KCNH7: variants seen among roughly 807,000 people sequenced by gnomAD.
The protein encoded by KCNH7 is voltage-gated inwardly rectifying potassium channel KCNH7.
Under a neutral mutation model 120.8 loss-of-function variants are expected in KCNH7, and 49 were observed. The observed-to-expected ratio is 0.41, with a 90% CI of 0.32 to 0.51. KCNH7 has a LOEUF of 0.51. Ranked by LOEUF, KCNH7 falls within the 20% of genes least tolerant of loss-of-function variation. The pLI is 0.38. For missense variants in KCNH7, 1,097 were observed against 1,446.6 expected (o/e 0.76, Z 3.92); for synonymous variants, 547 against 516.1 (o/e 1.06, Z -0.81).
chr2:162,557,721 A>G (rs1305502530), intron 2 of KCNH7, among the ~76,000 whole-genome samples: 1 of 152,036 alleles, frequency 6.6e-6, no homozygotes, highest in Non-Finnish European at 1.5e-5. Flanking sequence ...GCCACAGGTG[A>G]TATCTCCCCA....
intron 2 of KCNH7, among the ~76,000 whole-genome samples, chr2:162,687,167 G>T (rs1219735933): frequency 2.6e-5 from 4 of 151,896 alleles, no homozygotes; most frequent in Admixed American, 6.6e-5. Flanking sequence ...TATTCTCCAC[G>T]GTGCCATCTT....
chr2:162,702,305 A>G (rs2105345224), intron 2 of KCNH7, among the ~76,000 whole-genome samples: 1 of 152,292 alleles, frequency 6.6e-6, no homozygotes, highest in South Asian at 2.1e-4. Context: ...TACAGTATTG[A>G]AAATCTGAGG....
intron 2 of KCNH7, among the ~76,000 whole-genome samples, chr2:162,618,330 A>C (rs1459343667): frequency 6.6e-6 from 1 of 152,000 alleles, no homozygotes; most frequent in Non-Finnish European, 1.5e-5. Flanking sequence ...TAGGAAAGAT[A>C]AAATCAAATT....
intron 9 of KCNH7, among the ~76,000 whole-genome samples, chr2:162,421,343 G>A (rs182772476): frequency 6.6e-6 from 1 of 152,274 alleles, no homozygotes; most frequent in Admixed American, 6.5e-5. Context: ...CCAGAGTCGG[G>A]ATAGGGGCAG....
At chr2:162,538,667 G>C (rs1167033892) in intron 2 of KCNH7, among the ~76,000 whole-genome samples, 1 of 152,002 alleles carries the variant, frequency 6.6e-6, no homozygotes, top group East Asian at 1.9e-4. Flanking sequence ...CTGCATCTTG[G>C]CTCCTGCTGC....
intron 2 of KCNH7, among the ~76,000 whole-genome samples, chr2:162,799,564 G>C (rs1684268211): frequency 6.6e-6 from 1 of 151,542 alleles, no homozygotes; most frequent in Non-Finnish European, 1.5e-5. Flanking sequence ...TTCTCAAATT[G>C]TCCTGTTCAA....
chr2:162,718,861 A>C (rs12987663), intron 2 of KCNH7, among the ~76,000 whole-genome samples: 3,425 of 152,080 alleles, frequency 0.023, 73 homozygotes, highest in East Asian at 0.12. Flanking sequence ...CATGTTCACT[A>C]GGTAAGTGAG....
At chr2:162,490,656 G>T (rs964091556) in intron 6 of KCNH7, among the ~76,000 whole-genome samples, 1 of 152,240 alleles carries the variant, frequency 6.6e-6, no homozygotes, top group East Asian at 1.9e-4. Flanking sequence ...AATAAATGGC[G>T]CAGCTACAGA....
In KCNH7 at chr2:162,617,423, G is replaced by T. The variant is rs527816746; in HGVS notation, c.308-80343C>A. On this transcript the variant is annotated intron_variant, in intron 2 of 15. Transcript: ENST00000332142. ...GAACCCGGGAGGCGGAGCTTGCAGT[G>T]AGCTGAGATTGCGCCACTGCACTCC... Among the ~76,000 whole-genome samples, 16 of 152,182 alleles carry T rather than the reference G, an allele frequency of 1.1e-4. No individual in the cohort carries two copies. The South Asian group carries it at 3.3e-3, about 32-fold the overall frequency.
intron 6 of KCNH7, among the ~76,000 whole-genome samples, chr2:162,483,365 G>A (rs1365567053): frequency 2.6e-5 from 4 of 151,996 alleles, no homozygotes; most frequent in Admixed American, 6.6e-5. Context: ...CTCCATCCAC[G>A]GGACATGTAT....
intron 2 of KCNH7, among the ~76,000 whole-genome samples, chr2:162,788,371 C>T (rs933784731): frequency 1.8e-4 from 27 of 152,002 alleles, no homozygotes; most frequent in African/African-American, 6.3e-4. Context: ...AAATAAAAAT[C>T]AGGAGAACAA....
intron 2 of KCNH7, among the ~76,000 whole-genome samples, chr2:162,648,877 G>T (rs1257656961): frequency 6.6e-6 from 1 of 152,016 alleles, no homozygotes; most frequent in Non-Finnish European, 1.5e-5. Context: ...GGTGGGGGAA[G>T]ATACTTCTCT....
rs906842523 is a variant in KCNH7 at position 162,485,290 on chromosome 2, G to A, written c.1128+19153C>T. On this transcript the variant is annotated intron_variant, in intron 6 of 15. Transcript: ENST00000332142. ...AAAATCTTAAAATTACTAATCAGAAGTCCAAGCTGAGGGGTTATTTTAATT... is the reference window on the plus strand; with the variant it reads ...AAAATCTTAAAATTACTAATCAGAAATCCAAGCTGAGGGGTTATTTTAATT... 2.6e-5 allele frequency among the ~76,000 whole-genome samples: 4 copies of A among 152,112 alleles called. No individual in the cohort carries two copies. The East Asian group carries it at 5.8e-4, about 22-fold the overall frequency.
intron 2 of KCNH7, among the ~76,000 whole-genome samples, chr2:162,724,020 C>T (rs180742682): frequency 2.1e-4 from 32 of 152,218 alleles, no homozygotes; most frequent in African/African-American, 7.0e-4. Context: ...ATTTGGAAAA[C>T]GAGTTAGAGC....
chr2:162,695,538 G>A lies in KCNH7; in HGVS notation c.307+140999C>T, dbSNP rs1463593676. ...CCATGGATATTTGAGTCTCTGTGCT[G>A]AGGAAAGTCACTGGGCATCTGATGA... On this transcript the variant is annotated intron_variant, in intron 2 of 15. Transcript: ENST00000332142. Among the ~76,000 whole-genome samples the A allele has an allele frequency of 4.6e-5, 7 of 152,168 alleles. No individual in the cohort carries two copies. In the South Asian group the frequency reaches 6.2e-4, roughly 14 times the overall value.
intron 2 of KCNH7, among the ~76,000 whole-genome samples, chr2:162,564,819 A>G (rs937063348): frequency 1.3e-5 from 2 of 152,098 alleles, no homozygotes; most frequent in Admixed American, 6.6e-5. Context: ...TCGTGTCACT[A>G]TATCTTCTTC....
chr2:162,499,468 A>T (rs1035639752), intron 6 of KCNH7, among the ~76,000 whole-genome samples: 1 of 152,128 alleles, frequency 6.6e-6, no homozygotes, highest in African/African-American at 2.4e-5. Flanking sequence ...CAGGAAAAAA[A>T]ACACACACAT....
intron 2 of KCNH7, among the ~76,000 whole-genome samples, chr2:162,543,258 A>G (rs1255564376): frequency 4.6e-5 from 7 of 150,582 alleles, no homozygotes; most frequent in Admixed American, 2.0e-4. Context: ...CATCCTTAAC[A>G]TAATCTCTCT....
intron 10 of KCNH7, 51 bp downstream of exon 10, chr2:162,400,138 C>T (rs748710544): frequency 6.3e-6 from 10 of 1,580,324 alleles, no homozygotes; most frequent in African/African-American, 4.1e-5. Flanking sequence ...TTAAACTATG[C>T]ATTACAAGCT....
Sources: gnomAD v4.1 joint callset for allele counts (sites outside exome capture counted in the v4.1 genomes callset) on GRCh38, gnomAD v4.1.1 for gene constraint, MANE v1.5 for transcripts, NCBI Gene and HGNC (gene_info 2026-07-23, HGNC 2026-07-21) for gene names.